The following TNC variants were observed in gnomAD, a reference collection of about 807,000 sequenced individuals.
TNC encodes the protein tenascin C.
In TNC, 109 loss-of-function variants were observed where a neutral mutation model predicts 202.4. That is an observed-to-expected ratio of 0.54 (90% CI 0.46 to 0.63). The LOEUF (loss-of-function observed/expected upper bound fraction) is 0.63. TNC is among the 30% of genes least tolerant of loss of function. The pLI, the probability that TNC is intolerant of heterozygous loss-of-function variation, is 0.00. For synonymous variants in TNC, 1,007 were observed against 1,089.7 expected (o/e 0.92, Z 1.50); for missense variants, 2,756 against 2,833.3 (o/e 0.97, Z 0.62).
intron 1 of TNC, among the ~76,000 whole-genome samples, chr9:115,108,199 TG>T (rs1836761266): frequency 6.6e-6 from 1 of 152,196 alleles, no homozygotes; most frequent in South Asian, 2.1e-4. Context: ...CAGATCTAGA[TG>T]AACAAGAGCA....
Position 115,091,069 on chromosome 9 carries a change from A to T in TNC, c.-51T>A, listed in dbSNP as rs769251604. ...TGCTGGGGCTCTAGGGCTCTAGGGT[A>T]TCTCACTTTCAGCAGAATTGGGGAT... On this transcript the variant is annotated 5_prime_UTR_variant, in exon 2 of 28. Transcript: ENST00000350763. 5.4e-6 allele frequency: 8 copies of T among 1,477,846 alleles called. No individual in the cohort carries two copies. The highest frequency in any genetic ancestry group is 2.8e-5 in the African/African-American group (2 of 72,096). 91.5% of individuals were successfully genotyped at this position (1,477,846 alleles called of 1,614,324 possible). A position where few individuals can be genotyped will look rare whatever the true frequency, so the allele number is the denominator to read the frequency against.
chr9:115,053,612 T>C (rs897969067), intron 15 of TNC, among the ~76,000 whole-genome samples: 1 of 152,230 alleles, frequency 6.6e-6, no homozygotes, highest in Non-Finnish European at 1.5e-5. Flanking sequence ...CTCAAGGAGC[T>C]GGTGTTCCAT....
Position 115,063,074 on chromosome 9 carries a change from C to T in TNC, c.3876G>A (p.Glu1292=). The change falls in exon 13 of 28, where the codon GAG becomes GAA. Residue 1292 remains glutamate, a synonymous_variant. Transcript: ENST00000350763. Reference sequence around the variant, plus strand: ...TGTGAGCCTCTTCCACCTGGTCAGCCTCCTGGACCTGAATAGTAAACTGGT... The same window carrying T: ...TGTGAGCCTCTTCCACCTGGTCAGCTTCCTGGACCTGAATAGTAAACTGGT... ...TYDQFTIQVQ[E]ADQVEEAHNL... The T allele has an allele frequency of 6.2e-7, 1 of 1,614,168 alleles. No homozygotes were observed. Among genetic ancestry groups the T allele is most frequent in the Non-Finnish European group, 8.5e-7 (1 of 1,180,030 alleles).
intron 17 of TNC, among the ~76,000 whole-genome samples, chr9:115,046,203 T>C (rs1392403435): frequency 2.0e-5 from 3 of 152,204 alleles, no homozygotes; most frequent in Non-Finnish European, 2.9e-5. Context: ...CATTTAATCC[T>C]CACAACCCTA....
intron 22 of TNC, 110 bp from the exon 23 acceptor site, chr9:115,031,795 C>T: frequency 7.2e-7 from 1 of 1,386,490 alleles, no homozygotes. Flanking sequence ...CACTTACTTA[C>T]TGGACAAGAA....
Position 115,021,281 on chromosome 9 carries a change from A to G in TNC, c.6496-14T>C, listed in dbSNP as rs774605239. ...CCAGTTAACGCCCTGTTAAAAAAAAAAAAGAGAGAGAGAGAGAGAGAGAGA... is the reference window on the plus strand; with the variant it reads ...CCAGTTAACGCCCTGTTAAAAAAAAGAAAGAGAGAGAGAGAGAGAGAGAGA... On this transcript the variant is annotated splice_polypyrimidine_tract_variant and intron_variant, in intron 27 of 27. Transcript: ENST00000350763. 1 of 1,594,612 alleles carries G rather than the reference A, an allele frequency of 6.3e-7. No homozygotes were observed.
At chr9:115,064,118 C>A in intron 11 of TNC, 50 bp from the exon 12 acceptor site, 1 of 1,509,104 alleles carries the variant, frequency 6.6e-7, no homozygotes, top group Non-Finnish European at 8.9e-7. Context: ...ACAACAAGAT[C>A]CAGGGAATCT....
In TNC at chr9:115,063,080, G is replaced by A; in HGVS notation, c.3870C>T (p.Val1290=). 1 of 1,614,170 alleles carries A rather than the reference G, an allele frequency of 6.2e-7. No individual in the cohort carries two copies. Among genetic ancestry groups the A allele is most frequent in the Non-Finnish European group, 8.5e-7 (1 of 1,180,018 alleles). Residue 1290 remains valine, a synonymous_variant, in exon 13 of 28, where the codon GTC becomes GTT. Transcript: ENST00000350763. ...DGTYDQFTIQ[V]QEADQVEEAH... ...CCTCTTCCACCTGGTCAGCCTCCTG[G>A]ACCTGAATAGTAAACTGGTCATAGG... is the stretch of plus-strand genomic sequence containing the variant.
At chr9:115,037,288 A>C (rs1299161934) in intron 20 of TNC, among the ~76,000 whole-genome samples, 1 of 152,166 alleles carries the variant, frequency 6.6e-6, no homozygotes, top group Non-Finnish European at 1.5e-5. Flanking sequence ...TAAAATATGA[A>C]ACTTACCTAT....
chr9:115,089,326 T>C (rs186606091), intron 2 of TNC, among the ~76,000 whole-genome samples: 16 of 152,322 alleles, frequency 1.1e-4, no homozygotes, highest in Non-Finnish European at 2.9e-5. Flanking sequence ...TTTGAAGTTG[T>C]TGAAACTCAT....
intron 12 of TNC, 93 bp from the exon 13 acceptor site, chr9:115,063,282 GTTGTCTGGTTAGTGTTGATTATAGA>G: frequency 1.4e-6 from 2 of 1,383,816 alleles, no homozygotes; most frequent in South Asian, 1.3e-5. Flanking sequence ...GTTGGGATGA[GTTGTCTGGTTAGTGTTGATTATAGA>G]TGCATGATTT....
At chr9:115,047,988 A>G (rs1831335949) in intron 16 of TNC, among the ~76,000 whole-genome samples, 1 of 152,202 alleles carries the variant, frequency 6.6e-6, no homozygotes, top group African/African-American at 2.4e-5. Flanking sequence ...ATATGAGGTA[A>G]GCACACAAGA....
chr9:115,076,858 T>C (rs1327400599), intron 7 of TNC, among the ~76,000 whole-genome samples: 1 of 152,162 alleles, frequency 6.6e-6, no homozygotes, highest in Non-Finnish European at 1.5e-5. Context: ...AGCTCATGAG[T>C]GTAAAAACTG....
At chr9:115,048,940 T>G (rs1274762188) in intron 15 of TNC, among the ~76,000 whole-genome samples, 4 of 152,128 alleles carry the variant, frequency 2.6e-5, no homozygotes, top group Admixed American at 6.6e-5. Context: ...GCTCTTTTTT[T>G]TTTTTTCGAG....
At chr9:115,090,091 G>C (rs778934330) in intron 2 of TNC, among the ~76,000 whole-genome samples, 3 of 152,122 alleles carry the variant, frequency 2.0e-5, no homozygotes, top group Non-Finnish European at 2.9e-5. Flanking sequence ...TGAAATGTGA[G>C]GAACTCTACT....
intron 25 of TNC, 83 bp downstream of exon 25, chr9:115,029,277 C>T (rs1251284906): frequency 1.6e-6 from 2 of 1,224,128 alleles, no homozygotes; most frequent in Non-Finnish European, 2.4e-6. Context: ...CTCTTTCTCT[C>T]CCATAGGTCC....
In TNC at chr9:115,108,298, T is replaced by C. The variant is rs550092226; in HGVS notation, c.-137+9684A>G. ...GTTGCAAGATGTTTTTAGGTAGATGTCCTATGGTCAGGTATGTTTGGAGAT... is the reference window on the plus strand; with the variant it reads ...GTTGCAAGATGTTTTTAGGTAGATGCCCTATGGTCAGGTATGTTTGGAGAT... On this transcript the variant is annotated intron_variant, in intron 1 of 27. Transcript: ENST00000350763. Among the ~76,000 whole-genome samples the C allele has an allele frequency of 4.6e-5, 7 of 152,298 alleles. No homozygotes were observed. In the South Asian group the frequency reaches 1.5e-3, roughly 32 times the overall value.
intron 7 of TNC, among the ~76,000 whole-genome samples, chr9:115,077,727 C>T (rs1833984011): frequency 6.6e-6 from 1 of 152,122 alleles, no homozygotes; most frequent in Non-Finnish European, 1.5e-5. Flanking sequence ...CTACATATGT[C>T]CCCCACCCCC....
chr9:115,073,710 G>C lies in TNC; in HGVS notation c.3107C>G (p.Thr1036Ser). The C allele has an allele frequency of 6.2e-7, 1 of 1,614,194 alleles. No individual in the cohort carries two copies. Among genetic ancestry groups the C allele is most frequent in the East Asian group, 2.2e-5 (1 of 44,878 alleles). ...TTCCAGGCCTCTCAGGACATAGGAA[G>C]TGGTGTTTCTTGGAAGCTGCACTCC... ...WVGVQLPRNT[T>S]SYVLRGLEPG... Residue 1036 changes from threonine (T) to serine (S), a missense_variant, in exon 10 of 28, where the codon ACT becomes AGT. Physicochemically the swap from Thr to Ser is moderately conservative, Grantham distance 58. Around this residue, in one of 2 missense-constraint regions of TNC, gnomAD observed 2,559 missense variants for 2,546.0 expected, o/e 1.01. Coordinates refer to ENST00000350763, the MANE Select transcript of TNC (RefSeq NM_002160.4).
Sources: allele counts gnomAD v4.1 joint callset (sites outside exome capture counted in the v4.1 genomes callset), GRCh38; gene constraint gnomAD v4.1.1; regional missense constraint gnomAD v4.1.1; transcripts MANE v1.5; gene names NCBI Gene and HGNC (gene_info 2026-07-23, HGNC 2026-07-21).